PER3: variants seen among roughly 807,000 people sequenced by gnomAD.
PER3 encodes the protein period circadian regulator 3, also known as period circadian protein homolog 3.
In PER3, 107 loss-of-function variants were observed where a neutral mutation model predicts 127.2. The observed-to-expected ratio is 0.84, with a 90% CI of 0.72 to 0.99. The LOEUF (loss-of-function observed/expected upper bound fraction) is 0.99. Among genes scored for constraint, PER3 ranks in the 50% least tolerant of loss-of-function variants. PER3 has a pLI of 0.00. For synonymous variants in PER3, 618 were observed against 585.8 expected (o/e 1.05, Z -0.79); for missense variants, 1,560 against 1,525.8 (o/e 1.02, Z -0.37).
chr1:7,810,454 T>C lies in PER3; in HGVS notation c.1388T>C (p.Val463Ala), dbSNP rs752153347. Residue 463 changes from valine to alanine, a missense_variant, in exon 13 of 22, where the codon GTC becomes GCC. Physicochemically the swap from Val to Ala is moderately conservative, Grantham distance 64. Coordinates refer to ENST00000377532, the MANE Select transcript of PER3 (RefSeq NM_001377275.1). ...TKAEQMTLQQ[V>A]YASVNKIKNL... is the part of the protein sequence containing the mutation. ...TTCCCTAAGATGACCTTGCAGCAGG[T>C]CTATGCCAGTGTGAACAAAATTAAA... 2 of 1,610,276 alleles carry C rather than the reference T, an allele frequency of 1.2e-6. No homozygotes were observed. Among genetic ancestry groups the C allele is most frequent in the Non-Finnish European group, 8.5e-7 (1 of 1,177,784 alleles).
chr1:7,817,543 T>G (rs1008519150), intron 13 of PER3, among the ~76,000 whole-genome samples: 1 of 152,216 alleles, frequency 6.6e-6, no homozygotes, highest in African/African-American at 2.4e-5. Flanking sequence ...GACTTTATAC[T>G]AGGGTTGAAC....
chr1:7,840,508 G>C (rs1391846556), intron 21 of PER3, among the ~76,000 whole-genome samples: 1 of 151,782 alleles, frequency 6.6e-6, no homozygotes, highest in East Asian at 1.9e-4. Context: ...CGTAGAGATG[G>C]AGTTTTGCCA....
chr1:7,802,991 A>T (rs72632072), intron 8 of PER3, 56 bp from the exon 9 acceptor site: 60,869 of 893,074 alleles, frequency 0.068, 2,539 homozygotes, highest in Middle Eastern at 0.19. Flanking sequence ...TATTTTTAAA[A>T]GTGTATAAGA....
At chr1:7,790,722 AAGTT>A (rs1352791076) in intron 5 of PER3, among the ~76,000 whole-genome samples, 1 of 152,214 alleles carries the variant, frequency 6.6e-6, no homozygotes, top group African/African-American at 2.4e-5. Flanking sequence ...AATCCAAAGC[AAGTT>A]AGTTATCTCC....
rs373923215 is a variant in PER3 at position 7,842,499 on chromosome 1, C to CAAA, written c.3550-164_3550-162dup. On this transcript the variant is annotated intron_variant, in intron 21 of 21. Transcript: ENST00000377532. Reference sequence around the variant, plus strand: ...TGGGTGACACCGCAAGACTCTGTCTCAAAAAAAAAAATAAAAATAGTTATA... The same window carrying CAAA: ...TGGGTGACACCGCAAGACTCTGTCTCAAAAAAAAAAAAAATAAAAATAGTTATA... The CAAA allele has an allele frequency of 4.6e-3, 1,707 of 367,106 alleles. 4 individuals carry two copies. The highest frequency in any genetic ancestry group is 5.6e-3 in the Non-Finnish European group (1,522 of 273,168). The allele number at this position is 367,106 out of a possible 1,614,324, so 22.7% of individuals were successfully genotyped here.
chr1:7,829,315 CTCA>C (rs2097317620), intron 18 of PER3, among the ~76,000 whole-genome samples: 1 of 152,120 alleles, frequency 6.6e-6, no homozygotes, highest in Non-Finnish European at 1.5e-5. Context: ...TAACAATATA[CTCA>C]TCACAATTTC....
chr1:7,797,622 C>A (rs561317618), intron 6 of PER3, among the ~76,000 whole-genome samples: 57 of 143,400 alleles, frequency 4.0e-4, no homozygotes, highest in Admixed American at 1.5e-4. Context: ...GGCAACAGAG[C>A]GAGACTCCGT....
At chr1:7,792,031 A>G (rs1385152402) in intron 5 of PER3, among the ~76,000 whole-genome samples, 2 of 152,116 alleles carry the variant, frequency 1.3e-5, no homozygotes, top group African/African-American at 4.8e-5. Flanking sequence ...TCACTTCCAC[A>G]TTTTTGGGTA....
intron 3 of PER3, 23 bp from the exon 4 acceptor site, chr1:7,786,698 G>GT (rs2097092728): frequency 1.6e-6 from 2 of 1,240,478 alleles, no homozygotes; most frequent in South Asian, 2.4e-5. Flanking sequence ...TGGACTACCT[G>GT]TTTATCTCCC....
chr1:7,828,257 G>C (rs2097312497), intron 18 of PER3, among the ~76,000 whole-genome samples: 1 of 152,218 alleles, frequency 6.6e-6, no homozygotes, highest in African/African-American at 2.4e-5. Flanking sequence ...AGGACAACAG[G>C]TGTGTATGAA....
intron 5 of PER3, among the ~76,000 whole-genome samples, chr1:7,790,596 A>G (rs1202262639): frequency 1.3e-5 from 2 of 152,134 alleles, no homozygotes; most frequent in African/African-American, 4.8e-5. Context: ...TCAAAATGCA[A>G]TCATGCTTTT....
chr1:7,806,844 A>C (rs571875893), intron 10 of PER3, among the ~76,000 whole-genome samples: 150 of 135,788 alleles, frequency 1.1e-3, no homozygotes, highest in African/African-American at 4.0e-3. Context: ...TATTACATAC[A>C]CACACACACA....
chr1:7,790,933 A>G (rs1413794821), intron 5 of PER3, among the ~76,000 whole-genome samples: 1 of 152,232 alleles, frequency 6.6e-6, no homozygotes, highest in Non-Finnish European at 1.5e-5. Context: ...GTGGGCTCCT[A>G]CAGCCTTGGG....
rs1054330149 is a variant in PER3 at position 7,835,819 on chromosome 1, A to C, written c.3272A>C (p.Gln1091Pro). The C allele has an allele frequency of 1.9e-6, 3 of 1,612,714 alleles. No homozygotes were observed. Among genetic ancestry groups the C allele is most frequent in the East Asian group, 2.2e-5 (1 of 44,878 alleles). ...AGTGTTTATTCTTCTAAAATCTCCC[A>C]AAATGGGCAGCAATCTCAGGACGTA... Reference protein sequence around the residue: ...TSSVYSSKISQNGQQSQDVQK... With the variant: ...TSSVYSSKISPNGQQSQDVQK... The change falls in exon 20 of 22, where the codon CAA becomes CCA. Residue 1091 changes from glutamine (Q) to proline (P), a missense_variant. Physicochemically the swap from Gln to Pro is moderately conservative, Grantham distance 76. Coordinates refer to ENST00000377532, the MANE Select transcript of PER3 (RefSeq NM_001377275.1).
chr1:7,785,095 T>C, intron 2 of PER3, 90 bp downstream of exon 2: 1 of 1,405,628 alleles, frequency 7.1e-7, no homozygotes, highest in East Asian at 2.6e-5. Flanking sequence ...TTTATTCTTT[T>C]GTTTTCAAGC....
In PER3 at chr1:7,827,553, C is replaced by T; in HGVS notation, c.2624C>T (p.Pro875Leu). 6.2e-7 allele frequency: 1 copy of T among 1,614,192 alleles called. No homozygotes were observed. Among genetic ancestry groups the T allele is most frequent in the South Asian group, 1.1e-5 (1 of 91,080 alleles). The part of the protein sequence containing the change: ...VCPLLSPSFL[P>L]CPFLGATASS... ...CCTCTGTTGTCGCCATCGTTTTTGC[C>T]ATGTCCATTCCTGGGGGCGACAGCC... is the stretch of plus-strand genomic sequence containing the variant. Residue 875 changes from proline to leucine, a missense_variant, in exon 18 of 22, where the codon CCA (proline) becomes CTA (leucine). Pro to Leu is a moderately conservative substitution (Grantham distance 98). This residue lies in a region of PER3 where 1,332 missense variants were observed against 1,223.6 expected (regional missense o/e 1.09). Coordinates refer to ENST00000377532, the MANE Select transcript of PER3 (RefSeq NM_001377275.1).
chr1:7,797,643 A>AG (rs1316891336), intron 6 of PER3, among the ~76,000 whole-genome samples: 1 of 151,970 alleles, frequency 6.6e-6, no homozygotes. Context: ...CTTTAAAAAA[A>AG]AAAAAAAAAG....
At chr1:7,787,238 A>G (rs1206997267) in intron 4 of PER3, 8 of 905,880 alleles carry the variant, frequency 8.8e-6, no homozygotes, top group African/African-American at 1.8e-5. Flanking sequence ...ACTGGATGTT[A>G]TAGAACAGGT....
chr1:7,819,792 A>AT (rs35861261), intron 14 of PER3, among the ~76,000 whole-genome samples: 77,676 of 145,560 alleles, frequency 0.53, 21,780 homozygotes, highest in African/African-American at 0.73. Context: ...TTTTTGTGTG[A>AT]TTTTTTTTTT....
Sources: gnomAD v4.1 joint callset for allele counts (sites outside exome capture counted in the v4.1 genomes callset) on GRCh38, gnomAD v4.1.1 for gene constraint, gnomAD v4.1.1 regional missense constraint, MANE v1.5 for transcripts, NCBI Gene and HGNC (gene_info 2026-07-23, HGNC 2026-07-21) for gene names.